TG: variants seen among roughly 807,000 people sequenced by gnomAD.
TG encodes thyroglobulin, also known as thyroid hormones.
TG carries 270 observed loss-of-function variants against 324.7 expected under a neutral mutation model. The ratio of observed to expected loss-of-function variants is 0.83; its 90% confidence interval spans 0.75 to 0.92. The LOEUF is 0.92. TG is among the 40% of genes least tolerant of loss of function. The pLI is 0.00. For missense variants in TG, 3,591 were observed against 3,456.4 expected (o/e 1.04, Z -0.98); for synonymous variants, 1,401 against 1,327.0 (o/e 1.06, Z -1.21).
chr8:132,870,398 T>C (rs1324113522), intron 3 of TG, among the ~76,000 whole-genome samples: 1 of 147,646 alleles, frequency 6.8e-6, no homozygotes, highest in East Asian at 2.0e-4. Flanking sequence ...GGGGGCACGC[T>C]GGCCCCATAC....
At position 132,957,768 on chromosome 8, in the gene TG, C is replaced by CACACACACACACACAG. The variant is rs1554680150; in HGVS notation, c.5402-3225_5402-3224insGACACACACACACACA. On this transcript the variant is annotated intron_variant, in intron 27 of 47. Transcript: ENST00000220616. ...ACACACACACACACACACACACACA[C>CACACACACACACACAG]ACACACACACACACACGTATGTATA... Among the ~76,000 whole-genome samples, 948 of 144,964 alleles carry CACACACACACACACAG rather than the reference C, an allele frequency of 6.5e-3. 10 individuals carry two copies. The highest frequency in any genetic ancestry group is 0.026 in the African/African-American group (913 of 35,364).
chr8:133,008,682 G>A (rs550328602), intron 35 of TG, among the ~76,000 whole-genome samples: 1 of 152,220 alleles, frequency 6.6e-6, no homozygotes, highest in South Asian at 2.1e-4. Flanking sequence ...CCTAGCTAGC[G>A]CTACCACTTA....
intron 35 of TG, among the ~76,000 whole-genome samples, chr8:132,994,099 TCATC>T (rs1832645822): frequency 6.6e-6 from 1 of 152,172 alleles, no homozygotes; most frequent in Non-Finnish European, 1.5e-5. Context: ...GCCATGATTC[TCATC>T]TAGAATGGCA....
chr8:133,004,188 A>G (rs912542308), intron 35 of TG, among the ~76,000 whole-genome samples: 1 of 111,806 alleles, frequency 8.9e-6, no homozygotes, highest in Admixed American at 7.7e-5. Flanking sequence ...ATTCTCCTCC[A>G]AGGCTTAGGG....
intron 27 of TG, among the ~76,000 whole-genome samples, chr8:132,956,192 ACC>A (rs1215545813): frequency 3.3e-5 from 5 of 151,948 alleles, no homozygotes; most frequent in African/African-American, 1.2e-4. Context: ...TTTGGGGCTA[ACC>A]TTCTGATGCG....
intron 45 of TG, among the ~76,000 whole-genome samples, chr8:133,123,049 A>C (rs1851261442): frequency 6.6e-6 from 1 of 151,900 alleles, no homozygotes; most frequent in Non-Finnish European, 1.5e-5. Flanking sequence ...CCTTCTACCC[A>C]CCTGATGCCA....
intron 18 of TG, among the ~76,000 whole-genome samples, chr8:132,909,019 C>T (rs1357558954): frequency 6.6e-6 from 1 of 152,138 alleles, no homozygotes; most frequent in Non-Finnish European, 1.5e-5. Context: ...GAGGGAACTG[C>T]AAATTGGGGT....
intron 35 of TG, chr8:132,995,506 A>T (rs1832785488): frequency 1.0e-6 from 1 of 985,206 alleles, no homozygotes. Context: ...TGCTGGACTC[A>T]CTTTGCTTAG....
At chr8:133,039,251 A>G (rs1047930758) in intron 41 of TG, among the ~76,000 whole-genome samples, 5 of 152,196 alleles carry the variant, frequency 3.3e-5, no homozygotes, top group Non-Finnish European at 5.9e-5. Context: ...CTAACCCATT[A>G]TTTTAATTCT....
intron 35 of TG, among the ~76,000 whole-genome samples, chr8:133,005,702 T>C (rs564844038): frequency 6.6e-6 from 1 of 152,332 alleles, no homozygotes; most frequent in African/African-American, 2.4e-5. Flanking sequence ...CATACACTCA[T>C]AGCCAATTGT....
At chr8:132,928,941 T>A (rs1706269752) in intron 22 of TG, 135 bp from the exon 23 acceptor site, 2 of 757,238 alleles carry the variant, frequency 2.6e-6, no homozygotes, top group South Asian at 2.9e-5. Context: ...ACAAAGGAAT[T>A]GCTTTTCCTG....
intron 35 of TG, among the ~76,000 whole-genome samples, chr8:132,997,552 C>T (rs576609897): frequency 6.6e-6 from 1 of 152,206 alleles, no homozygotes; most frequent in African/African-American, 2.4e-5. Flanking sequence ...AGGGGAGGCA[C>T]ACTGGTGGCA....
At chr8:133,032,389 A>G (rs922409902) in intron 41 of TG, among the ~76,000 whole-genome samples, 1 of 152,158 alleles carries the variant, frequency 6.6e-6, no homozygotes, top group Non-Finnish European at 1.5e-5. Context: ...CCTTTCAAAA[A>G]CCAGACACTC....
chr8:132,925,900 T>G (rs1821801835), intron 22 of TG, among the ~76,000 whole-genome samples: 1 of 152,226 alleles, frequency 6.6e-6, no homozygotes, highest in Non-Finnish European at 1.5e-5. Context: ...GCACCAGAAG[T>G]GCTCACGAGT....
intron 27 of TG, among the ~76,000 whole-genome samples, chr8:132,956,533 T>C (rs910349953): frequency 6.6e-6 from 1 of 151,878 alleles, no homozygotes; most frequent in African/African-American, 2.4e-5. Context: ...TGAGTAGAGG[T>C]CAATCAAGTG....
chr8:132,909,032 G>A (rs1819114825), intron 18 of TG, among the ~76,000 whole-genome samples: 1 of 152,222 alleles, frequency 6.6e-6, no homozygotes, highest in Non-Finnish European at 1.5e-5. Context: ...ATTGGGGTGT[G>A]CATGTTGGAA....
At position 133,096,328 on chromosome 8, in the gene TG, G is replaced by A; in HGVS notation, c.7527G>A (p.Gly2509=). ...GGGTAGAGGTCGATCTGCTCATTGGGAGTTCTCAGGACGACGGGCTCATCA... is the reference window on the plus strand; with the variant it reads ...GGGTAGAGGTCGATCTGCTCATTGGAAGTTCTCAGGACGACGGGCTCATCA... The part of the protein sequence containing the change: ...SLWVEVDLLI[G]SSQDDGLINR... The change falls in exon 43 of 48, where the codon GGG becomes GGA. Residue 2509 remains glycine (G), a synonymous_variant. Coordinates refer to ENST00000220616, the MANE Select transcript of TG (RefSeq NM_003235.5). 2.5e-6 allele frequency: 4 copies of A among 1,614,210 alleles called. No individual in the cohort carries two copies. The highest frequency in any genetic ancestry group is 3.4e-6 in the Non-Finnish European group (4 of 1,180,044).
intron 25 of TG, among the ~76,000 whole-genome samples, chr8:132,937,607 C>T (rs1401554006): frequency 1.3e-5 from 2 of 152,068 alleles, no homozygotes; most frequent in African/African-American, 2.4e-5. Context: ...TTTCATTGTC[C>T]TGTTTTTCTT....
intron 35 of TG, chr8:133,002,731 G>A (rs1833652552): frequency 8.0e-6 from 2 of 251,542 alleles, no homozygotes; most frequent in African/African-American, 2.3e-5. Flanking sequence ...CTTCTCTTGG[G>A]CTTCTTTTTC....
Sources: gnomAD v4.1 joint callset for allele counts (sites outside exome capture counted in the v4.1 genomes callset) on GRCh38, gnomAD v4.1.1 for gene constraint, MANE v1.5 for transcripts, NCBI Gene and HGNC (gene_info 2026-07-23, HGNC 2026-07-21) for gene names.